OXR1: variants seen among roughly 807,000 people sequenced by gnomAD.
The protein encoded by OXR1 is oxidation resistance protein 1.
A neutral mutation model predicts 104.6 loss-of-function variants in OXR1; 41 were observed. That is an observed-to-expected ratio of 0.39 (90% CI 0.31 to 0.51). The LOEUF is 0.51. Ranked by LOEUF, OXR1 falls within the 20% of genes least tolerant of loss-of-function variation. The probability of loss-of-function intolerance (pLI) is 0.77; values close to 1 mark genes in which losing one functional copy is unlikely to be tolerated. For synonymous variants in OXR1, 348 were observed against 348.4 expected, an observed-to-expected ratio of 1.00 and a Z score of 0.01; for missense variants, 955 against 1,031.9, an observed-to-expected ratio of 0.93 and a Z score of 1.02.
At chr8:106,493,222 G>T (rs547503969) in intron 2 of OXR1, among the ~76,000 whole-genome samples, 40 of 152,290 alleles carry the variant, frequency 2.6e-4, no homozygotes, top group African/African-American at 9.4e-4. Flanking sequence ...ATTTTAGCCT[G>T]CAGAACCATA....
chr8:106,285,461 G>A (rs557456728), intron 1 of OXR1, among the ~76,000 whole-genome samples: 4 of 152,074 alleles, frequency 2.6e-5, no homozygotes, highest in Admixed American at 1.3e-4. Flanking sequence ...TGGATATTTT[G>A]GAGTATTGGA....
At chr8:106,298,266 A>G (rs1353378441) in intron 1 of OXR1, among the ~76,000 whole-genome samples, 1 of 152,224 alleles carries the variant, frequency 6.6e-6, no homozygotes, top group African/African-American at 2.4e-5. Flanking sequence ...ACAGATCCAC[A>G]TGGCTAGAGA....
chr8:106,617,269 A>G (rs1157222363), intron 3 of OXR1, among the ~76,000 whole-genome samples: 25 of 152,186 alleles, frequency 1.6e-4, no homozygotes, highest in Admixed American at 1.6e-3. Context: ...CTAAAAATAC[A>G]AAAATTAGCC....
intron 6 of OXR1, among the ~76,000 whole-genome samples, chr8:106,689,969 T>C (rs1375302320): frequency 6.6e-6 from 1 of 151,698 alleles, no homozygotes; most frequent in Non-Finnish European, 1.5e-5. Context: ...CCTTTAACAA[T>C]TCACAAACAT....
chr8:106,358,962 G>A lies in OXR1; in HGVS notation c.-138-514G>A, dbSNP rs182424549. Among the ~76,000 whole-genome samples, 291 of 151,416 alleles carry A rather than the reference G, an allele frequency of 1.9e-3. 2 individuals carry two copies. Among genetic ancestry groups the A allele is most frequent in the Admixed American group, 0.013 (201 of 15,194 alleles). Reference sequence around the variant, plus strand: ...ATAATTTAATTCACCGTCTTATTTAGCGAATAATTTAATTCACTAAATTAT... The same window carrying A: ...ATAATTTAATTCACCGTCTTATTTAACGAATAATTTAATTCACTAAATTAT... On this transcript the variant is annotated intron_variant, in intron 1 of 16. Transcript: ENST00000517566.
chr8:106,386,658 A>G (rs1183712617), intron 2 of OXR1, among the ~76,000 whole-genome samples: 1 of 152,090 alleles, frequency 6.6e-6, no homozygotes, highest in Admixed American at 6.6e-5. Flanking sequence ...TCAAGGGGAA[A>G]ATGGGAAGGG....
intron 2 of OXR1, among the ~76,000 whole-genome samples, chr8:106,392,625 A>C (rs1817627729): frequency 6.6e-6 from 1 of 152,192 alleles, no homozygotes; most frequent in Non-Finnish European, 1.5e-5. Flanking sequence ...TTGCTTTATC[A>C]GCATAAAAAA....
At chr8:106,291,008 G>C (rs7846505) in intron 1 of OXR1, among the ~76,000 whole-genome samples, 25 of 152,170 alleles carry the variant, frequency 1.6e-4, no homozygotes, top group African/African-American at 5.1e-4. Context: ...GTTCATTGCT[G>C]GGCTATTCAC....
chr8:106,361,027 G>A (rs1192041743), intron 2 of OXR1, among the ~76,000 whole-genome samples: 1 of 152,180 alleles, frequency 6.6e-6, no homozygotes, highest in Non-Finnish European at 1.5e-5. Context: ...CCTGGCCTCG[G>A]TGCATGCTTC....
At chr8:106,646,689 G>T (rs946453715) in intron 3 of OXR1, among the ~76,000 whole-genome samples, 13 of 151,966 alleles carry the variant, frequency 8.6e-5, no homozygotes, top group African/African-American at 2.9e-4. Context: ...CAGAGGGTAA[G>T]ACCTCCTTAT....
chr8:106,477,101 C>T (rs1266524584), intron 2 of OXR1, among the ~76,000 whole-genome samples: 1 of 151,920 alleles, frequency 6.6e-6, no homozygotes, highest in African/African-American at 2.4e-5. Context: ...TTAAACTTCT[C>T]CTTGTAATGT....
intron 1 of OXR1, among the ~76,000 whole-genome samples, chr8:106,287,271 A>G (rs1000336013): frequency 2.0e-5 from 3 of 152,206 alleles, no homozygotes; most frequent in Non-Finnish European, 4.4e-5. Flanking sequence ...AAAGGAGGTC[A>G]GGGGTATTGG....
chr8:106,487,460 A>C (rs1025656768), intron 2 of OXR1, among the ~76,000 whole-genome samples: 1 of 150,286 alleles, frequency 6.7e-6, no homozygotes, highest in Non-Finnish European at 1.5e-5. Context: ...TTTAGGGTAC[A>C]TGTGCACATT....
chr8:106,411,295 G>C (rs1282249726), intron 2 of OXR1, among the ~76,000 whole-genome samples: 1 of 152,116 alleles, frequency 6.6e-6, no homozygotes, highest in Non-Finnish European at 1.5e-5. Context: ...AGTAGGAAGA[G>C]AGTGGCATGA....
chr8:106,667,456 G>C (rs1826461674), intron 3 of OXR1, among the ~76,000 whole-genome samples: 1 of 152,132 alleles, frequency 6.6e-6, no homozygotes, highest in Non-Finnish European at 1.5e-5. Flanking sequence ...TAAGTTTTCT[G>C]CCAACCTCTG....
intron 2 of OXR1, among the ~76,000 whole-genome samples, chr8:106,409,014 C>G (rs1215784396): frequency 1.3e-5 from 2 of 152,154 alleles, no homozygotes; most frequent in African/African-American, 2.4e-5. Flanking sequence ...TTCCCCCATA[C>G]TCCCTTGTAT....
At chr8:106,491,344 A>C (rs1811070636) in intron 2 of OXR1, among the ~76,000 whole-genome samples, 1 of 152,276 alleles carries the variant, frequency 6.6e-6, no homozygotes, top group East Asian at 1.9e-4. Context: ...ATGTATGTGC[A>C]GACAAACATA....
At chr8:106,390,800 A>G (rs1817560877) in intron 2 of OXR1, among the ~76,000 whole-genome samples, 1 of 152,148 alleles carries the variant, frequency 6.6e-6, no homozygotes, top group African/African-American at 2.4e-5. Flanking sequence ...CTGTAAGTCA[A>G]TATGTATAGA....
intron 2 of OXR1, among the ~76,000 whole-genome samples, chr8:106,428,942 A>G (rs538742173): frequency 6.6e-6 from 1 of 152,262 alleles, no homozygotes; most frequent in African/African-American, 2.4e-5. Flanking sequence ...GGGAACCCCC[A>G]CACCAATGCT....
Sources: allele counts gnomAD v4.1 joint callset (sites outside exome capture counted in the v4.1 genomes callset), GRCh38; gene constraint gnomAD v4.1.1; transcripts MANE v1.5; gene names NCBI Gene and HGNC (gene_info 2026-07-23, HGNC 2026-07-21).